The following POU2F1 variants were observed in gnomAD, a reference collection of about 807,000 sequenced individuals.
The protein encoded by POU2F1 is POU domain, class 2, transcription factor 1.
A neutral mutation model predicts 84.9 loss-of-function variants in POU2F1; 16 were observed. The ratio of observed to expected loss-of-function variants is 0.19; its 90% CI spans 0.13 to 0.29. POU2F1 has a LOEUF of 0.29. Among genes scored for constraint, POU2F1 ranks in the 10% least tolerant of loss-of-function variants. POU2F1 has a pLI of 1.00. For synonymous variants in POU2F1, 368 were observed against 368.3 expected (o/e 1.00, Z 0.01); for missense variants, 738 against 942.6 (o/e 0.78, Z 2.84).
chr1:167,312,586 C>CTAAGATT (rs1655575110), intron 1 of POU2F1, among the ~76,000 whole-genome samples: 1 of 151,914 alleles, frequency 6.6e-6, no homozygotes, highest in Non-Finnish European at 1.5e-5. Context: ...TTACAGTGAG[C>CTAAGATT]TAAGGTTAAC....
intron 7 of POU2F1, chr1:167,379,229 G>A (rs1006508811): frequency 1.3e-5 from 2 of 152,244 alleles, no homozygotes; most frequent in Non-Finnish European, 2.9e-5. Context: ...CACTGTATCT[G>A]GACTCACTTA....
intron 1 of POU2F1, among the ~76,000 whole-genome samples, chr1:167,225,415 A>G (rs547335848): frequency 1.4e-4 from 22 of 152,336 alleles, no homozygotes; most frequent in African/African-American, 4.8e-4. Context: ...TTTTAAATTT[A>G]CTATTCTCTA....
At chr1:167,309,592 C>T (rs990423477) in intron 1 of POU2F1, among the ~76,000 whole-genome samples, 3 of 152,142 alleles carry the variant, frequency 2.0e-5, no homozygotes, top group Admixed American at 6.5e-5. Flanking sequence ...TTTTTAATGA[C>T]AAATATTAAA....
At chr1:167,231,564 A>T (rs1571126297) in intron 1 of POU2F1, among the ~76,000 whole-genome samples, 1 of 152,356 alleles carries the variant, frequency 6.6e-6, no homozygotes, top group Non-Finnish European at 1.5e-5. Flanking sequence ...TTCTGCATTC[A>T]TTTAATTCAA....
intron 2 of POU2F1, among the ~76,000 whole-genome samples, chr1:167,349,576 C>T (rs889232902): frequency 2.0e-5 from 3 of 152,112 alleles, no homozygotes; most frequent in Non-Finnish European, 4.4e-5. Context: ...ATGCTCAATA[C>T]GTATTTTTTG....
At chr1:167,383,117 G>T (rs571941378) in intron 7 of POU2F1, among the ~76,000 whole-genome samples, 1 of 152,070 alleles carries the variant, frequency 6.6e-6, no homozygotes, top group Non-Finnish European at 1.5e-5. Context: ...ACATAATCTT[G>T]TATTTAGTAT....
chr1:167,388,666 CAA>C (rs1362966374), intron 8 of POU2F1, among the ~76,000 whole-genome samples: 1 of 152,158 alleles, frequency 6.6e-6, no homozygotes, highest in Non-Finnish European at 1.5e-5. Flanking sequence ...GTGCTTAAAA[CAA>C]ATAAAAATGC....
Position 167,374,308 on chromosome 1 carries a change from A to G in POU2F1, c.591+12A>G, listed in dbSNP as rs371931036. The G allele has an allele frequency of 7.1e-6, 11 of 1,553,520 alleles. No individual in the cohort carries two copies. Among genetic ancestry groups the G allele is most frequent in the Non-Finnish European group, 8.7e-6 (10 of 1,150,698 alleles). The stretch of plus-strand genomic sequence containing the variant: ...TACAGATCGCACAGGTGAGTGAGGA[A>G]CTCCAATAGCTGGGGCAGCAAGTGA... On this transcript the variant is annotated intron_variant, in intron 6 of 15. Transcript: ENST00000367866.
chr1:167,423,482 T>C lies in POU2F1; in HGVS notation c.*7672T>C, dbSNP rs1428951068. 1 of 152,248 alleles carries C rather than the reference T, an allele frequency of 6.6e-6. No homozygotes were observed. Among genetic ancestry groups the C allele is most frequent in the Non-Finnish European group, 1.5e-5 (1 of 68,040 alleles). The allele number at this position is 152,248 out of a possible 1,614,324, so 9.4% of individuals were successfully genotyped here. On this transcript the variant is annotated 3_prime_UTR_variant, in exon 16 of 16. Transcript: ENST00000367866. ...AGTAGGTAATAGGGATGTTGAAGAT[T>C]AGAGCACTTGAAACAGAAGTTCTGG... is the stretch of plus-strand genomic sequence containing the variant.
chr1:167,401,360 A>G, intron 12 of POU2F1, 91 bp from the exon 13 acceptor site: 2 of 813,916 alleles, frequency 2.5e-6, no homozygotes, highest in Non-Finnish European at 1.9e-6. Flanking sequence ...CAGGTGTCTC[A>G]ATTCCAAGAT....
intron 1 of POU2F1, among the ~76,000 whole-genome samples, chr1:167,266,161 A>ACC (rs1315500466): frequency 6.6e-6 from 1 of 152,242 alleles, no homozygotes; most frequent in African/African-American, 2.4e-5. Context: ...GTTTCAGGAT[A>ACC]CATGTGCAGG....
In POU2F1 at chr1:167,389,521, T is replaced by G. The variant is rs1648232746; in HGVS notation, c.814-67T>G. The G allele has an allele frequency of 4.5e-6, 7 of 1,561,506 alleles. No homozygotes were observed. The South Asian group carries it at 6.8e-5, about 15-fold the overall frequency. ...AAATGTGGCTCTTTCCTTCAGTTGTTTACTTGGAGTAAACCTAAATATCTC... is the reference window on the plus strand; with the variant it reads ...AAATGTGGCTCTTTCCTTCAGTTGTGTACTTGGAGTAAACCTAAATATCTC... On this transcript the variant is annotated intron_variant, in intron 8 of 15. Coordinates refer to ENST00000367866, the MANE Select transcript of POU2F1 (RefSeq NM_002697.4).
chr1:167,356,329 G>A (rs757797115), intron 2 of POU2F1, among the ~76,000 whole-genome samples: 2 of 151,692 alleles, frequency 1.3e-5, no homozygotes, highest in Non-Finnish European at 2.9e-5. Flanking sequence ...TAGATTTTGT[G>A]TGCTGCATCC....
chr1:167,300,927 C>T lies in POU2F1; in HGVS notation c.62-31543C>T, dbSNP rs139352572. Among the ~76,000 whole-genome samples the T allele has an allele frequency of 4.7e-3, 710 of 152,114 alleles. 5 individuals are homozygous for T. Among genetic ancestry groups the T allele is most frequent in the African/African-American group, 0.016 (673 of 41,496 alleles). ...CTGGGATTACAGGCGCATGCCACCA[C>T]GCGCAGCTAATTTTTGTATTTTAGT... On this transcript the variant is annotated intron_variant, in intron 1 of 15. Transcript: ENST00000367866.
intron 14 of POU2F1, 27 bp downstream of exon 14, chr1:167,412,331 G>A (rs376344870): frequency 6.1e-5 from 91 of 1,496,390 alleles, no homozygotes; most frequent in Admixed American, 2.3e-4. Context: ...TCTCATTCAC[G>A]TCTGAGGTGG....
At chr1:167,387,391 G>T in intron 8 of POU2F1, 1 of 350,502 alleles carries the variant, frequency 2.9e-6, no homozygotes, top group East Asian at 7.5e-5. Flanking sequence ...ATAGGGGTCT[G>T]CTATGGTTGG....
intron 1 of POU2F1, among the ~76,000 whole-genome samples, chr1:167,261,651 T>C (rs1037422397): frequency 2.0e-5 from 3 of 152,230 alleles, no homozygotes; most frequent in African/African-American, 7.2e-5. Flanking sequence ...ACCAGCTCTT[T>C]GGAAATTCAT....
At chr1:167,221,170 C>T (rs1468970281) in intron 1 of POU2F1, among the ~76,000 whole-genome samples, 1 of 151,184 alleles carries the variant, frequency 6.6e-6, no homozygotes, top group Non-Finnish European at 1.5e-5. Context: ...AGACAAGGGG[C>T]AAAGGGGGCT....
chr1:167,402,084 T>G (rs1470962712), intron 13 of POU2F1, among the ~76,000 whole-genome samples: 1 of 152,254 alleles, frequency 6.6e-6, no homozygotes, highest in Non-Finnish European at 1.5e-5. Flanking sequence ...TTTGAACTCT[T>G]GATGCCTAGC....
Sources: gnomAD v4.1 joint callset for allele counts (sites outside exome capture counted in the v4.1 genomes callset) on GRCh38, gnomAD v4.1.1 for gene constraint, MANE v1.5 for transcripts, NCBI Gene and HGNC (gene_info 2026-07-23, HGNC 2026-07-21) for gene names.